PLAAT1: variants seen among roughly 807,000 people sequenced by gnomAD.
PLAAT1 encodes the protein H-REV107 protein-related protein.
Under a neutral mutation model 16.4 loss-of-function variants are expected in PLAAT1, and 13 were observed. The observed-to-expected ratio is 0.79, with a 90% CI of 0.52 to 1.26. The LOEUF is 1.26. Ranked by LOEUF, PLAAT1 falls within the 50% of genes most tolerant of loss-of-function variation. The probability of loss-of-function intolerance (pLI) is 0.00; values close to 1 mark genes in which losing one functional copy is unlikely to be tolerated. For missense variants in PLAAT1, 218 were observed against 207.8 expected (o/e 1.05, Z -0.30); for synonymous variants, 73 against 78.4 (o/e 0.93, Z 0.36).
downstream of PLAAT1, among the ~76,000 whole-genome samples, chr3:193,273,621 G>A (rs1038436657): frequency 2.6e-5 from 4 of 152,122 alleles, no homozygotes; most frequent in African/African-American, 9.7e-5. Flanking sequence ...ATTGCCTATG[G>A]TCTGTTAAAT....
downstream of PLAAT1, among the ~76,000 whole-genome samples, chr3:193,275,606 G>A (rs766686967): frequency 2.0e-5 from 3 of 152,104 alleles, no homozygotes; most frequent in African/African-American, 4.8e-5. Context: ...CAGCAATAAC[G>A]TGCTCAAAAT....
At chr3:193,244,249 T>C (rs908095982) in intron 1 of PLAAT1, among the ~76,000 whole-genome samples, 2 of 152,112 alleles carry the variant, frequency 1.3e-5, no homozygotes, top group African/African-American at 4.8e-5. Flanking sequence ...TTCTCAGGGG[T>C]AAATGCCTAG....
intron 2 of PLAAT1, among the ~76,000 whole-genome samples, chr3:193,256,673 G>A (rs1019577924): frequency 1.3e-5 from 2 of 152,110 alleles, no homozygotes; most frequent in East Asian, 1.9e-4. Context: ...GAACATAAAG[G>A]TATTGTTGAT....
intron 3 of PLAAT1, among the ~76,000 whole-genome samples, chr3:193,268,586 C>T (rs1266340187): frequency 6.6e-6 from 1 of 152,176 alleles, no homozygotes; most frequent in Non-Finnish European, 1.5e-5. Context: ...TAATCTTGCA[C>T]ATCACATCCC....
intron 3 of PLAAT1, 122 bp downstream of exon 3, chr3:193,263,357 G>A (rs1278309467): frequency 1.4e-5 from 13 of 938,888 alleles, no homozygotes; most frequent in Admixed American, 2.8e-5. Context: ...GAAGGATAGA[G>A]AATGGACTTG....
chr3:193,255,271 A>G (rs1716332735), intron 1 of PLAAT1, among the ~76,000 whole-genome samples: 1 of 152,006 alleles, frequency 6.6e-6, no homozygotes, highest in African/African-American at 2.4e-5. Flanking sequence ...TCCCCTTTTT[A>G]TCCTAAATAG....
downstream of PLAAT1, chr3:193,275,028 G>A (rs374593575): frequency 7.4e-6 from 12 of 1,613,528 alleles, no homozygotes; most frequent in African/African-American, 5.3e-5. Flanking sequence ...GAGCATGTAC[G>A]ACGACAATTC....
downstream of PLAAT1, chr3:193,281,143 G>A (rs1717476736): frequency 1.0e-6 from 1 of 980,864 alleles, no homozygotes. Context: ...AAATGGCTTG[G>A]TGATACGATT....
intron 2 of PLAAT1, among the ~76,000 whole-genome samples, chr3:193,259,511 T>C (rs1324511588): frequency 6.6e-6 from 1 of 152,160 alleles, no homozygotes; most frequent in African/African-American, 2.4e-5. Flanking sequence ...CTGGAACTGA[T>C]AAACAACTTC....
At chr3:193,264,361 T>C (rs1716700543) in intron 3 of PLAAT1, among the ~76,000 whole-genome samples, 1 of 152,218 alleles carries the variant, frequency 6.6e-6, no homozygotes, top group African/African-American at 2.4e-5. Context: ...TCAAATTTAT[T>C]GTGGTTTTGA....
intron 1 of PLAAT1, among the ~76,000 whole-genome samples, chr3:193,254,276 G>A (rs183542453): frequency 5.9e-5 from 9 of 152,222 alleles, no homozygotes; most frequent in Non-Finnish European, 1.2e-4. Flanking sequence ...AACATTAATT[G>A]TTATAAAAAA....
chr3:193,280,527 A>C (rs1211572407), downstream of PLAAT1, among the ~76,000 whole-genome samples: 1 of 152,162 alleles, frequency 6.6e-6, no homozygotes, highest in Non-Finnish European at 1.5e-5. Flanking sequence ...TGGAACTCTG[A>C]CTTGAAAAAG....
downstream of PLAAT1, chr3:193,275,153 G>T (rs1055374535): frequency 1.2e-6 from 2 of 1,614,046 alleles, no homozygotes; most frequent in Non-Finnish European, 1.7e-6. Context: ...ATCCATTTTT[G>T]CCATCACCTG....
chr3:193,264,899 T>C (rs1716725861), intron 3 of PLAAT1, among the ~76,000 whole-genome samples: 1 of 152,234 alleles, frequency 6.6e-6, no homozygotes, highest in Non-Finnish European at 1.5e-5. Context: ...TGGACTCTTT[T>C]TAGATACGTA....
At chr3:193,265,477 G>A (rs1332527988) in intron 3 of PLAAT1, among the ~76,000 whole-genome samples, 1 of 152,194 alleles carries the variant, frequency 6.6e-6, no homozygotes, top group Non-Finnish European at 1.5e-5. Context: ...GCCTGGGGCT[G>A]AGGTGGTTGA....
chr3:193,274,980 C>A, downstream of PLAAT1: 1 of 1,589,838 alleles, frequency 6.3e-7, no homozygotes, highest in Non-Finnish European at 8.6e-7. Flanking sequence ...ATCACTTCTC[C>A]ACAATGTGTT....
chr3:193,254,822 A>G (rs1174344993), intron 1 of PLAAT1, among the ~76,000 whole-genome samples: 1 of 152,156 alleles, frequency 6.6e-6, no homozygotes, highest in East Asian at 1.9e-4. Flanking sequence ...TACAATGACA[A>G]AGGGCATTTA....
Position 193,270,784 on chromosome 3 carries a change from G to T in PLAAT1, c.*79G>T. The stretch of plus-strand genomic sequence containing the variant: ...CCTGGGGTGAATACTTATTTTCAGT[G>T]CATCATTACTGTTCCAGATTCCTAT... On this transcript the variant is annotated 3_prime_UTR_variant, in exon 4 of 4. Transcript: ENST00000264735. 6.6e-7 allele frequency: 1 copy of T among 1,520,506 alleles called. No individual in the cohort carries two copies. The allele number at this position is 1,520,506 out of a possible 1,614,324, so 94.2% of individuals were successfully genotyped here.
Position 193,255,796 on chromosome 3 carries a change from T to G in PLAAT1, c.139+7T>G. 6.4e-7 allele frequency: 1 copy of G among 1,566,298 alleles called. No homozygotes were observed. Among genetic ancestry groups the G allele is most frequent in the Non-Finnish European group, 8.7e-7 (1 of 1,152,812 alleles). ...ATCAACATAGCACCTGTAGGTGAGG[T>G]TTATTTCCAGTGGCTCCTGGGAGCA... On this transcript the variant is annotated splice_region_variant and intron_variant, in intron 2 of 3. Transcript: ENST00000264735.
Sources: allele counts gnomAD v4.1 joint callset (sites outside exome capture counted in the v4.1 genomes callset), GRCh38; gene constraint gnomAD v4.1.1; transcripts MANE v1.5; gene names NCBI Gene and HGNC (gene_info 2026-07-23, HGNC 2026-07-21).